The following ESRRB variants were observed in gnomAD, a reference collection of about 807,000 sequenced individuals.
ESRRB encodes the protein estrogen related receptor beta, also known as steroid hormone receptor ERR2.
A neutral mutation model predicts 46.0 loss-of-function variants in ESRRB; 16 were observed. The observed-to-expected ratio is 0.35, with a 90% confidence interval of 0.24 to 0.53. The LOEUF (loss-of-function observed/expected upper bound fraction) is 0.53, where lower values mean the gene tolerates loss of function less well. Ranked by LOEUF, ESRRB falls within the 20% of genes least tolerant of loss-of-function variation. ESRRB has a pLI of 0.93. For synonymous variants in ESRRB, 246 were observed against 259.6 expected (o/e 0.95, Z 0.50); for missense variants, 488 against 607.4 (o/e 0.80, Z 2.07).
chr14:76,495,243 G>C (rs1274038891), intron 6 of ESRRB: 1 of 151,960 alleles, frequency 6.6e-6, no homozygotes, highest in Non-Finnish European at 1.5e-5. Context: ...AACTTCTGTT[G>C]ACATCAGACT....
rs1566859620 is a variant in ESRRB, at chr14:76,358,329, AAGAAAGAAAGAAAG to A, written c.2+47415_2+47428del. ...TCTGTCTCAAAAAAAAAAAAAAAGA[AAGAAAGAAAGAAAG>A]AAAGAAAGAAAGAAAGAAAGAAAGA... is the stretch of plus-strand genomic sequence containing the variant. On this transcript the variant is annotated intron_variant, in intron 1 of 6. Coordinates refer to the ESRRB transcript ENST00000512784. Among the ~76,000 whole-genome samples, 11 of 14,112 alleles carry A rather than the reference AAGAAAGAAAGAAAG, an allele frequency of 7.8e-4. 2 individuals are homozygous for A. The highest frequency in any genetic ancestry group is 1.2e-3 in the Non-Finnish European group (10 of 8,620). The allele number at this position is 14,112 out of a possible 152,430, so 9.3% of individuals were successfully genotyped here. A position where few individuals can be genotyped will look rare whatever the true frequency, so the allele number is the denominator to read the frequency against.
intron 1 of ESRRB, among the ~76,000 whole-genome samples, chr14:76,398,512 C>A (rs1326371685): frequency 1.3e-5 from 2 of 152,130 alleles, no homozygotes; most frequent in South Asian, 4.1e-4. Flanking sequence ...ACCTTGTCAC[C>A]TTTCATTTGT....
chr14:76,322,715 G>C (rs1170758905), intron 1 of ESRRB, among the ~76,000 whole-genome samples: 2 of 152,148 alleles, frequency 1.3e-5, no homozygotes, highest in African/African-American at 4.8e-5. Context: ...CCACTGCCAG[G>C]CTTTCTCATT....
At chr14:76,441,190 C>A (rs111637333) in intron 2 of ESRRB, among the ~76,000 whole-genome samples, 2 of 152,318 alleles carry the variant, frequency 1.3e-5, no homozygotes, top group East Asian at 1.9e-4. Context: ...GTAGCTAGAA[C>A]GACAGTCGCT....
At chr14:76,462,161 TGTGGTGGTGGTG>T (rs61608653) in intron 2 of ESRRB, among the ~76,000 whole-genome samples, 28,719 of 151,346 alleles carry the variant, frequency 0.19, 2,760 homozygotes, top group Middle Eastern at 0.24. Flanking sequence ...TGGAGGAGCC[TGTGGTGGTGGTG>T]GTGGTGGTGG....
At chr14:76,431,670 G>A (rs958222598) in intron 1 of ESRRB, among the ~76,000 whole-genome samples, 3 of 152,182 alleles carry the variant, frequency 2.0e-5, no homozygotes, top group African/African-American at 7.2e-5. Flanking sequence ...CTCCAGTTAG[G>A]AGATGAATCA....
In ESRRB at chr14:76,500,130, C is replaced by T; in HGVS notation, c.*1672C>T. ...ACCTCCTTGGCTCTACCCCAGGAAC[C>T]TCCCGGCCTGGGCTTCTGGGCTGGG... On this transcript the variant is annotated 3_prime_UTR_variant, in exon 7 of 7. Transcript: ENST00000644823. 7 of 1,406,290 alleles carry T rather than the reference C, an allele frequency of 5.0e-6. No homozygotes were observed. Among genetic ancestry groups the T allele is most frequent in the Non-Finnish European group, 6.8e-6 (7 of 1,029,474 alleles). 87.1% of individuals were successfully genotyped at this position (1,406,290 alleles called of 1,614,324 possible). A position where few individuals can be genotyped will look rare whatever the true frequency, so the allele number is the denominator to read the frequency against.
intron 5 of ESRRB, among the ~76,000 whole-genome samples, chr14:76,487,381 C>A (rs7146212): frequency 6.6e-6 from 1 of 152,162 alleles, no homozygotes; most frequent in Non-Finnish European, 1.5e-5. Flanking sequence ...TGTGCTCATA[C>A]GATTACACCC....
chr14:76,414,685 A>G (rs1485820804), intron 1 of ESRRB, among the ~76,000 whole-genome samples: 1 of 148,826 alleles, frequency 6.7e-6, no homozygotes. Context: ...AAAAAAAAAA[A>G]AAAAAAAACT....
chr14:76,328,493 G>A (rs374953192), intron 1 of ESRRB, among the ~76,000 whole-genome samples: 3 of 152,246 alleles, frequency 2.0e-5, no homozygotes, highest in African/African-American at 7.2e-5. Context: ...ATGTGCCTAT[G>A]TGTAGGTGCC....
intron 1 of ESRRB, among the ~76,000 whole-genome samples, chr14:76,435,935 G>A (rs967800603): frequency 6.6e-6 from 1 of 152,082 alleles, no homozygotes; most frequent in African/African-American, 2.4e-5. Context: ...ATTAATAGCG[G>A]GCTTCCTGTA....
At chr14:76,495,669 T>G (rs1890399247) in intron 6 of ESRRB, 1 of 151,866 alleles carries the variant, frequency 6.6e-6, no homozygotes, top group Admixed American at 6.6e-5. Context: ...AAAGTACCTG[T>G]GATGAAGGAC....
At chr14:76,441,593 C>G (rs571461036) in intron 2 of ESRRB, among the ~76,000 whole-genome samples, 6 of 152,224 alleles carry the variant, frequency 3.9e-5, no homozygotes, top group Non-Finnish European at 7.3e-5. Flanking sequence ...GCTGGGATTA[C>G]AGGCCTGAGC....
chr14:76,318,266 AGTT>A (rs1883826011), intron 1 of ESRRB, among the ~76,000 whole-genome samples: 1 of 151,882 alleles, frequency 6.6e-6, no homozygotes, highest in Non-Finnish European at 1.5e-5. Flanking sequence ...CGAGGAGCAC[AGTT>A]GAGGTTTGGG....
chr14:76,486,125 C>T (rs545257824), intron 5 of ESRRB, among the ~76,000 whole-genome samples: 1 of 152,334 alleles, frequency 6.6e-6, no homozygotes, highest in South Asian at 2.1e-4. Context: ...AAGCCCAAGT[C>T]TTCAGAGTGT....
At chr14:76,326,170 A>G (rs1883927799) in intron 1 of ESRRB, among the ~76,000 whole-genome samples, 1 of 152,186 alleles carries the variant, frequency 6.6e-6, no homozygotes, top group African/African-American at 2.4e-5. Context: ...CCTGCTCAGA[A>G]TGCCATGCCC....
At chr14:76,495,074 CCA>C (rs1353381950) in intron 6 of ESRRB, among the ~76,000 whole-genome samples, 1 of 144,710 alleles carries the variant, frequency 6.9e-6, no homozygotes, top group South Asian at 2.5e-4. Context: ...ACATACACAC[CCA>C]CACATACACA....
upstream of ESRRB, among the ~76,000 whole-genome samples, chr14:76,373,972 C>T (rs1884683323): frequency 6.6e-6 from 1 of 152,164 alleles, no homozygotes. Flanking sequence ...TGAAGAGGAC[C>T]TTATTTCTAC....
intron 1 of ESRRB, among the ~76,000 whole-genome samples, chr14:76,324,357 G>A (rs1351936173): frequency 3.3e-5 from 5 of 152,178 alleles, no homozygotes; most frequent in Non-Finnish European, 7.3e-5. Context: ...GGGCTCCTGT[G>A]GGTCATGGGT....
Sources: gnomAD v4.1 joint callset for allele counts (sites outside exome capture counted in the v4.1 genomes callset) on GRCh38, gnomAD v4.1.1 for gene constraint, MANE v1.5 for transcripts, NCBI Gene and HGNC (gene_info 2026-07-23, HGNC 2026-07-21) for gene names.